GPHN: variants seen among roughly 807,000 people sequenced by gnomAD.
GPHN encodes gephyrin.
Under a neutral mutation model 95.5 loss-of-function variants are expected in GPHN, and 17 were observed. The observed-to-expected ratio is 0.18, with a 90% CI of 0.12 to 0.27. The LOEUF (loss-of-function observed/expected upper bound fraction) is 0.27. Ranked by LOEUF, GPHN falls within the 10% of genes least tolerant of loss-of-function variation. The pLI is 1.00. For missense variants in GPHN, 660 were observed against 978.1 expected, an observed-to-expected ratio of 0.67 and a Z score of 4.34; for synonymous variants, 320 against 322.5, an observed-to-expected ratio of 0.99 and a Z score of 0.08.
chr14:66,788,723 G>A (rs1386609089), intron 3 of GPHN, among the ~76,000 whole-genome samples: 2 of 152,020 alleles, frequency 1.3e-5, no homozygotes, highest in African/African-American at 4.8e-5. Flanking sequence ...ATGGTACAAC[G>A]TCAGCTCACT....
chr14:66,546,554 A>G (rs73279744), intron 1 of GPHN, among the ~76,000 whole-genome samples: 50,364 of 151,980 alleles, frequency 0.33, 12,339 homozygotes, highest in African/African-American at 0.67. Flanking sequence ...CGGATCACTC[A>G]CGGTTAGGAG....
At chr14:66,643,623 A>G (rs2064565575) in intron 1 of GPHN, among the ~76,000 whole-genome samples, 1 of 152,052 alleles carries the variant, frequency 6.6e-6, no homozygotes, top group African/African-American at 2.4e-5. Context: ...CATCAGATAC[A>G]AAAGGAATGC....
chr14:67,637,290 A>G, the GPHN span, among the ~76,000 whole-genome samples: 10 of 151,660 alleles, frequency 6.6e-5, no homozygotes, highest in African/African-American at 2.4e-4. Context: ...CATGCCTGTA[A>G]TCCCAGCTAC....
chr14:66,822,307 A>C (rs2061227272), intron 3 of GPHN, among the ~76,000 whole-genome samples: 2 of 152,264 alleles, frequency 1.3e-5, no homozygotes, highest in South Asian at 4.1e-4. Flanking sequence ...TGTGAAATTT[A>C]CCCTTGAGTA....
chr14:66,719,071 C>G (rs1008364886), intron 2 of GPHN, among the ~76,000 whole-genome samples: 2 of 152,178 alleles, frequency 1.3e-5, no homozygotes, highest in African/African-American at 4.8e-5. Context: ...CTAGCAGCAC[C>G]AAGTCTGTTT....
chr14:67,300,336 C>CTT, the GPHN span, among the ~76,000 whole-genome samples: 22,301 of 139,164 alleles, frequency 0.16, 3,599 homozygotes, highest in East Asian at 0.42. Flanking sequence ...TATGAATTAC[C>CTT]TTTTTTTTTT....
chr14:66,878,681 A>C (rs1007649398), intron 4 of GPHN, among the ~76,000 whole-genome samples: 1 of 152,074 alleles, frequency 6.6e-6, no homozygotes, highest in African/African-American at 2.4e-5. Flanking sequence ...TCTCATGCCA[A>C]TTAGAATGGT....
chr14:67,347,950 C>T, the GPHN span, among the ~76,000 whole-genome samples: 2 of 150,920 alleles, frequency 1.3e-5, no homozygotes, highest in South Asian at 2.1e-4. Flanking sequence ...CTCACTCTGT[C>T]GCCCAGGCTG....
the GPHN span, among the ~76,000 whole-genome samples, chr14:67,314,681 T>C: frequency 3.3e-5 from 5 of 152,250 alleles, no homozygotes; most frequent in Non-Finnish European, 4.4e-5. Context: ...GATAGATTGA[T>C]TTTCTGAAAG....
At chr14:67,426,411 G>T in the GPHN span, among the ~76,000 whole-genome samples, 1 of 152,292 alleles carries the variant, frequency 6.6e-6, no homozygotes, top group African/African-American at 2.4e-5. Flanking sequence ...GCTGTCATGT[G>T]CCCTGTGGGA....
At chr14:66,889,563 G>A (rs1376999180) in intron 5 of GPHN, among the ~76,000 whole-genome samples, 1 of 151,994 alleles carries the variant, frequency 6.6e-6, no homozygotes, top group Non-Finnish European at 1.5e-5. Context: ...ATATTTAAAA[G>A]TGAATTAAAA....
chr14:67,556,479 A>G, the GPHN span, among the ~76,000 whole-genome samples: 1 of 151,928 alleles, frequency 6.6e-6, no homozygotes, highest in Non-Finnish European at 1.5e-5. Context: ...GGATCTCACT[A>G]TTTGCCCAGG....
chr14:67,434,576 A>C, the GPHN span, among the ~76,000 whole-genome samples: 1 of 152,170 alleles, frequency 6.6e-6, no homozygotes, highest in Non-Finnish European at 1.5e-5. Flanking sequence ...ACCACACTAA[A>C]GTTCGAGAGC....
At chr14:67,410,883 C>T in the GPHN span, among the ~76,000 whole-genome samples, 10 of 152,274 alleles carry the variant, frequency 6.6e-5, no homozygotes, top group Admixed American at 3.9e-4. Context: ...TGGTGGCTCA[C>T]GCCTGTTATC....
chr14:67,288,964 CTTTTTTTTTTTT>C, the GPHN span, among the ~76,000 whole-genome samples: 1 of 107,078 alleles, frequency 9.3e-6, no homozygotes, highest in South Asian at 3.1e-4. Flanking sequence ...TCTTTATTTC[CTTTTTTTTTTTT>C]TTTTTTTTGA....
At chr14:67,327,429 G>A in the GPHN span, among the ~76,000 whole-genome samples, 725 of 151,908 alleles carry the variant, frequency 4.8e-3, 11 homozygotes, top group African/African-American at 0.017. Flanking sequence ...CAAGGAGGAC[G>A]GATCACTTTT....
At chr14:67,509,872 C>T in the GPHN span, among the ~76,000 whole-genome samples, 1 of 152,004 alleles carries the variant, frequency 6.6e-6, no homozygotes, top group Non-Finnish European at 1.5e-5. Flanking sequence ...TTAAAAGTAG[C>T]TAGGTATGGT....
intron 5 of GPHN, among the ~76,000 whole-genome samples, chr14:66,912,026 CT>C (rs1175172375): frequency 1.3e-5 from 2 of 152,014 alleles, no homozygotes; most frequent in Non-Finnish European, 2.9e-5. Flanking sequence ...CCAGAAATAT[CT>C]TTTGAAAATA....
chr14:67,393,057 G>T, the GPHN span: 1 of 1,046,798 alleles, frequency 9.6e-7, no homozygotes, highest in Non-Finnish European at 1.5e-6. Flanking sequence ...AGGCAGCTCT[G>T]ACCTCAATAC....
Sources: allele counts gnomAD v4.1 joint callset (sites outside exome capture counted in the v4.1 genomes callset), GRCh38; gene constraint gnomAD v4.1.1; transcripts MANE v1.5; gene names NCBI Gene and HGNC (gene_info 2026-07-23, HGNC 2026-07-21).